Variants in PAIP2B observed in about 807,000 individuals in gnomAD.
The protein encoded by PAIP2B is polyadenylate-binding protein-interacting protein 2B.
In PAIP2B, 13 loss-of-function variants were observed where a neutral mutation model predicts 17.0. The observed-to-expected ratio is 0.76, with a 90% confidence interval of 0.50 to 1.22. PAIP2B has a LOEUF of 1.22. PAIP2B is among the 50% of genes most tolerant of loss of function. The pLI is 0.00. For missense variants in PAIP2B, 117 were observed against 144.5 expected (o/e 0.81, Z 0.98); for synonymous variants, 43 against 48.7 (o/e 0.88, Z 0.48).
At chr2:71,189,606 C>T (rs570699930) in intron 3 of PAIP2B, among the ~76,000 whole-genome samples, 1 of 152,266 alleles carries the variant, frequency 6.6e-6, no homozygotes, top group Admixed American at 6.5e-5. Flanking sequence ...TTGGTGGCGT[C>T]CAATCTTGGC....
intron 2 of PAIP2B, among the ~76,000 whole-genome samples, chr2:71,199,821 T>C (rs572371825): frequency 1.3e-5 from 2 of 152,044 alleles, no homozygotes; most frequent in African/African-American, 4.8e-5. Context: ...TGCCTAGGGG[T>C]TCAAGTCCAG....
rs1001153848 is a variant in PAIP2B, at chr2:71,187,023, A to C, written c.*1456T>G. 1 of 152,204 alleles carries C rather than the reference A, an allele frequency of 6.6e-6. No homozygotes were observed. The allele number at this position is 152,204 out of a possible 1,614,324, so 9.4% of individuals were successfully genotyped here. ...TTATACCAACTTTGTTTCAAGTTAC[A>C]TATCTTTTCCCTATTAGGCCTATCA... On this transcript the variant is annotated 3_prime_UTR_variant, in exon 4 of 4. Transcript: ENST00000244221.
chr2:71,194,097 A>G (rs115917196), intron 2 of PAIP2B, among the ~76,000 whole-genome samples: 8 of 152,292 alleles, frequency 5.3e-5, no homozygotes, highest in Admixed American at 3.3e-4. Flanking sequence ...TTGTACCAGT[A>G]CCATGCTATT....
chr2:71,202,421 C>G (rs764521114), intron 2 of PAIP2B, 31 bp downstream of exon 2: 63 of 1,605,916 alleles, frequency 3.9e-5, no homozygotes, highest in Middle Eastern at 1.7e-4. Flanking sequence ...CATGTATCAT[C>G]AATCTTCCAC....
chr2:71,203,719 T>A (rs1675048612), intron 1 of PAIP2B, among the ~76,000 whole-genome samples: 1 of 151,542 alleles, frequency 6.6e-6, no homozygotes, highest in Non-Finnish European at 1.5e-5. Context: ...ATATTTGTTA[T>A]AATTTTTATT....
intron 1 of PAIP2B, among the ~76,000 whole-genome samples, chr2:71,221,028 T>A (rs1398999818): frequency 6.6e-6 from 1 of 152,250 alleles, no homozygotes; most frequent in Non-Finnish European, 1.5e-5. Context: ...GTAAATGATT[T>A]CACTACAGTG....
intron 1 of PAIP2B, among the ~76,000 whole-genome samples, chr2:71,217,903 C>T (rs1216934006): frequency 1.3e-5 from 2 of 152,146 alleles, no homozygotes; most frequent in Middle Eastern, 3.4e-3. Context: ...CTTATCTCTA[C>T]AAAAAATTTT....
In PAIP2B at chr2:71,202,479, C is replaced by G. The variant is rs750648829; in HGVS notation, c.111G>C (p.Met37Ile). 4 of 1,613,478 alleles carry G rather than the reference C, an allele frequency of 2.5e-6. No individual in the cohort carries two copies. The Admixed American group carries it at 6.7e-5, about 27-fold the overall frequency. Residue 37 changes from methionine to isoleucine, a missense_variant, in exon 2 of 4, where the codon ATG (methionine) becomes ATC (isoleucine). Physicochemically the swap from Met to Ile is conservative, Grantham distance 10. Coordinates refer to ENST00000244221, the MANE Select transcript of PAIP2B (RefSeq NM_020459.1). ...GTCTGTTGAAATCCTCTTCATTCTCCATCCACATGTACTCTGCAAATGGGT... is the reference window on the plus strand; with the variant it reads ...GTCTGTTGAAATCCTCTTCATTCTCGATCCACATGTACTCTGCAAATGGGT... Reference protein sequence around the residue: ...KENPFAEYMWMENEEDFNRQV... With the variant: ...KENPFAEYMWIENEEDFNRQV...
chr2:71,222,101 C>T (rs994493243), intron 1 of PAIP2B, among the ~76,000 whole-genome samples: 26 of 152,266 alleles, frequency 1.7e-4, no homozygotes, highest in African/African-American at 6.0e-4. Flanking sequence ...TCTTTGGGTC[C>T]GTACCATCTT....
At chr2:71,191,249 C>T (rs956010671) in intron 2 of PAIP2B, among the ~76,000 whole-genome samples, 1 of 152,184 alleles carries the variant, frequency 6.6e-6, no homozygotes, top group East Asian at 1.9e-4. Flanking sequence ...GGAAAAGTTA[C>T]TGGTAGTGAG....
chr2:71,200,935 C>T (rs1424319545), intron 2 of PAIP2B, among the ~76,000 whole-genome samples: 2 of 151,950 alleles, frequency 1.3e-5, no homozygotes, highest in Non-Finnish European at 2.9e-5. Flanking sequence ...CATTGCTTAC[C>T]TAGATCTCCA....
intron 1 of PAIP2B, among the ~76,000 whole-genome samples, chr2:71,222,982 C>T (rs1193020317): frequency 6.6e-6 from 1 of 152,182 alleles, no homozygotes; most frequent in Non-Finnish European, 1.5e-5. Context: ...ACCAGGTTTA[C>T]CTTGGTCAAG....
At position 71,204,646 on chromosome 2, in the gene PAIP2B, AAAG is replaced by A. The variant is rs531023360; in HGVS notation, c.-11-2049_-11-2047del. ...GCTTAACATATTTTAAATAGAAACA[AAAG>A]AAATCAATGTCTATTCCAAATACAG... On this transcript the variant is annotated intron_variant, in intron 1 of 3. Coordinates refer to ENST00000244221, the MANE Select transcript of PAIP2B (RefSeq NM_020459.1). 2.0e-5 allele frequency among the ~76,000 whole-genome samples: 3 copies of A among 152,214 alleles called. No homozygotes were observed. The South Asian group carries it at 6.2e-4, about 31-fold the overall frequency.
At chr2:71,197,308 G>A (rs80031935) in intron 2 of PAIP2B, among the ~76,000 whole-genome samples, 2,529 of 152,234 alleles carry the variant, frequency 0.017, 65 homozygotes, top group African/African-American at 0.058. Context: ...CTTGGTTGAA[G>A]ATTTTTTTAC....
intron 1 of PAIP2B, among the ~76,000 whole-genome samples, chr2:71,223,635 C>A (rs779972164): frequency 6.6e-6 from 1 of 151,912 alleles, no homozygotes; most frequent in African/African-American, 2.4e-5. Context: ...GACAGGGTTC[C>A]ACCATCCTGG....
chr2:71,213,860 A>G, intron 1 of PAIP2B, among the ~76,000 whole-genome samples: 1 of 152,184 alleles, frequency 6.6e-6, no homozygotes. Flanking sequence ...CTATCCAAAT[A>G]CAAGGGGGAA....
chr2:71,197,663 G>A (rs1233780021), intron 2 of PAIP2B, among the ~76,000 whole-genome samples: 2 of 152,172 alleles, frequency 1.3e-5, no homozygotes, highest in Non-Finnish European at 2.9e-5. Context: ...AAAAGAAGGA[G>A]GTTTACTGAA....
At chr2:71,222,135 A>G (rs976775195) in intron 1 of PAIP2B, among the ~76,000 whole-genome samples, 6 of 152,180 alleles carry the variant, frequency 3.9e-5, no homozygotes, top group African/African-American at 1.4e-4. Context: ...ACTCACCACG[A>G]AGGTCTGGGG....
chr2:71,188,476 G>A lies in PAIP2B; in HGVS notation c.*3C>T, dbSNP rs779186401. On this transcript the variant is annotated 3_prime_UTR_variant, in exon 4 of 4. Transcript: ENST00000244221. The stretch of plus-strand genomic sequence containing the variant: ...GACAAGTCTTCCTCAAAGCTTTCTC[G>A]GCTCAGTACTTCTCTCCTGGAATAA... 6.8e-6 allele frequency: 11 copies of A among 1,607,696 alleles called. No individual in the cohort carries two copies. The highest frequency in any genetic ancestry group is 4.5e-5 in the South Asian group (4 of 89,618).
Sources: gnomAD v4.1 joint callset for allele counts (sites outside exome capture counted in the v4.1 genomes callset) on GRCh38, gnomAD v4.1.1 for gene constraint, MANE v1.5 for transcripts, NCBI Gene and HGNC (gene_info 2026-07-23, HGNC 2026-07-21) for gene names.